The following POFUT3 variants were observed in gnomAD, a reference collection of about 807,000 sequenced individuals.
POFUT3 encodes protein O-fucosyltransferase 3, also known as GDP-fucose protein O-fucosyltransferase 3.
the POFUT3 span, among the ~76,000 whole-genome samples, chr8:33,462,563 A>C: frequency 6.6e-6 from 1 of 152,226 alleles, no homozygotes; most frequent in Non-Finnish European, 1.5e-5. Context: ...GAGCAATATT[A>C]TTCTTTGGAA....
the POFUT3 span, among the ~76,000 whole-genome samples, chr8:33,426,058 C>A: frequency 6.6e-6 from 1 of 152,122 alleles, no homozygotes; most frequent in Admixed American, 6.5e-5. Flanking sequence ...TGCCTGCCAC[C>A]ATGCCCAGCT....
chr8:33,392,353 A>T, the POFUT3 span, among the ~76,000 whole-genome samples: 1 of 152,138 alleles, frequency 6.6e-6, no homozygotes, highest in Admixed American at 6.5e-5. Context: ...AGGCAGGCAG[A>T]TTACTTGAGG....
the POFUT3 span, among the ~76,000 whole-genome samples, chr8:33,345,593 G>T: frequency 2.5e-3 from 379 of 151,250 alleles, 2 homozygotes; most frequent in African/African-American, 8.7e-3. Flanking sequence ...TAGAGACAGG[G>T]TTTCACCATG....
the POFUT3 span, chr8:33,389,670 A>G: frequency 1.2e-6 from 2 of 1,614,080 alleles, no homozygotes; most frequent in Non-Finnish European, 1.7e-6. Context: ...GTGGCAGTGT[A>G]GTTGAACAAG....
chr8:33,374,700 G>A, the POFUT3 span, among the ~76,000 whole-genome samples: 1 of 152,024 alleles, frequency 6.6e-6, no homozygotes. Flanking sequence ...ACAGAACTCT[G>A]AACTATCTTT....
At chr8:33,460,701 C>T in the POFUT3 span, 3 of 984,050 alleles carry the variant, frequency 3.0e-6, no homozygotes, top group Non-Finnish European at 3.6e-6. Flanking sequence ...TTACGAGAAT[C>T]TCAAACTCAC....
the POFUT3 span, chr8:33,388,788 T>C: frequency 1.6e-6 from 1 of 621,644 alleles, no homozygotes; most frequent in Non-Finnish European, 2.8e-6. Flanking sequence ...GCTTGTAAAC[T>C]TTACGACAGT....
At chr8:33,328,822 G>A in the POFUT3 span, among the ~76,000 whole-genome samples, 1 of 152,176 alleles carries the variant, frequency 6.6e-6, no homozygotes, top group East Asian at 1.9e-4. Flanking sequence ...GGAGCACCCA[G>A]TGAATGGCAG....
the POFUT3 span, among the ~76,000 whole-genome samples, chr8:33,366,199 T>C: frequency 2.0e-5 from 3 of 152,150 alleles, no homozygotes; most frequent in South Asian, 2.1e-4. Context: ...TAGGTGGGAA[T>C]TGAACAATGA....
At chr8:33,391,315 G>A in the POFUT3 span, among the ~76,000 whole-genome samples, 1 of 152,190 alleles carries the variant, frequency 6.6e-6, no homozygotes, top group Non-Finnish European at 1.5e-5. Flanking sequence ...AATTGCTGAA[G>A]AAAGTGCCTC....
chr8:33,391,271 G>A, the POFUT3 span, among the ~76,000 whole-genome samples: 1 of 152,162 alleles, frequency 6.6e-6, no homozygotes, highest in Non-Finnish European at 1.5e-5. Context: ...GATCAGATAA[G>A]GTTATGTCAC....
chr8:33,386,188 C>CAAAAAAAAAAA, the POFUT3 span, among the ~76,000 whole-genome samples: 40 of 32,042 alleles, frequency 1.2e-3, no homozygotes, highest in East Asian at 0.014. Context: ...GGCTCCATCT[C>CAAAAAAAAAAA]AAAAAAAAAA....
At chr8:33,459,679 A>G in the POFUT3 span, among the ~76,000 whole-genome samples, 1 of 151,476 alleles carries the variant, frequency 6.6e-6, no homozygotes, top group Non-Finnish European at 1.5e-5. Context: ...TTTGAAATGG[A>G]TGGCTGGTAC....
chr8:33,413,813 C>T, the POFUT3 span, among the ~76,000 whole-genome samples: 2 of 152,012 alleles, frequency 1.3e-5, no homozygotes, highest in Admixed American at 1.3e-4. Flanking sequence ...ATACATATAC[C>T]ATAAGTGCAT....
At chr8:33,316,741 C>CAA in the POFUT3 span, among the ~76,000 whole-genome samples, 50,073 of 136,306 alleles carry the variant, frequency 0.37, 9,232 homozygotes, top group East Asian at 0.63. Context: ...GACTCTGTCT[C>CAA]AAAAAAAAAA....
At chr8:33,464,990 A>T in the POFUT3 span, among the ~76,000 whole-genome samples, 1 of 152,128 alleles carries the variant, frequency 6.6e-6, no homozygotes, top group Admixed American at 6.6e-5. Flanking sequence ...AACCACACAC[A>T]ACATGGAGCT....
the POFUT3 span, among the ~76,000 whole-genome samples, chr8:33,333,617 A>AG: frequency 0.31 from 46,388 of 151,904 alleles, 8,112 homozygotes; most frequent in East Asian, 0.58. Context: ...GAATAGGCAA[A>AG]GAAATAGTGG....
the POFUT3 span, among the ~76,000 whole-genome samples, chr8:33,331,654 T>C: frequency 6.6e-6 from 1 of 151,382 alleles, no homozygotes; most frequent in African/African-American, 2.4e-5. Flanking sequence ...AGACTCTATC[T>C]CTAAAGATTT....
chr8:33,463,019 GC>G, the POFUT3 span, among the ~76,000 whole-genome samples: 27 of 152,180 alleles, frequency 1.8e-4, no homozygotes, highest in African/African-American at 6.0e-4. Context: ...TGGGCAAATG[GC>G]ACTGTGGAGC....
Sources: allele counts gnomAD v4.1 joint callset (sites outside exome capture counted in the v4.1 genomes callset), GRCh38; gene constraint gnomAD v4.1.1; transcripts MANE v1.5; gene names NCBI Gene and HGNC (gene_info 2026-07-23, HGNC 2026-07-21).